The following RBPJ variants were observed in gnomAD, a reference collection of about 807,000 sequenced individuals.
The protein encoded by RBPJ is recombination signal binding protein for immunoglobulin kappa J region, also known as recombining binding protein suppressor of hairless.
In RBPJ, 9 loss-of-function variants were observed where a neutral mutation model predicts 67.8. That is an observed-to-expected ratio of 0.13 (90% CI 0.08 to 0.23). RBPJ has a LOEUF of 0.23. Among genes scored for constraint, RBPJ ranks in the 10% least tolerant of loss-of-function variants. The pLI is 1.00. For missense variants in RBPJ, 305 were observed against 595.6 expected (o/e 0.51, Z 5.08); for synonymous variants, 198 against 203.3 (o/e 0.97, Z 0.22).
chr4:26,400,384 A>C (rs569483154), intron 2 of RBPJ, among the ~76,000 whole-genome samples: 1 of 152,344 alleles, frequency 6.6e-6, no homozygotes, highest in African/African-American at 2.4e-5. Flanking sequence ...TGCACAGCGC[A>C]ATCTCTCCAC....
At chr4:26,223,464 C>G (rs1304192118) in intron 1 of RBPJ, among the ~76,000 whole-genome samples, 1 of 152,196 alleles carries the variant, frequency 6.6e-6, no homozygotes, top group Non-Finnish European at 1.5e-5. Context: ...GAGGTTATGC[C>G]TGAGAGCGGT....
chr4:26,214,114 A>G (rs953629445), intron 1 of RBPJ, among the ~76,000 whole-genome samples: 2 of 150,530 alleles, frequency 1.3e-5, no homozygotes, highest in Non-Finnish European at 3.0e-5. Context: ...GAGAGACCTC[A>G]TTGCTAGGAA....
At chr4:26,229,387 C>T (rs1034414086) in intron 1 of RBPJ, among the ~76,000 whole-genome samples, 2 of 152,132 alleles carry the variant, frequency 1.3e-5, no homozygotes, top group Non-Finnish European at 2.9e-5. Flanking sequence ...CAAAGATTTC[C>T]ATAGCTGGTC....
chr4:26,129,706 G>A, the RBPJ span, among the ~76,000 whole-genome samples: 1 of 152,022 alleles, frequency 6.6e-6, no homozygotes, highest in African/African-American at 2.4e-5. Context: ...TCAGCAACCA[G>A]CATCTGTATA....
chr4:26,408,025 C>T (rs1733634834), intron 3 of RBPJ, among the ~76,000 whole-genome samples: 2 of 150,848 alleles, frequency 1.3e-5, no homozygotes, highest in Non-Finnish European at 3.0e-5. Flanking sequence ...CAGGCACTCA[C>T]CACCATGGCC....
At chr4:26,145,889 A>G in the RBPJ span, among the ~76,000 whole-genome samples, 1 of 152,236 alleles carries the variant, frequency 6.6e-6, no homozygotes, top group African/African-American at 2.4e-5. Context: ...TCAATGGAAC[A>G]GACTTGAGAG....
chr4:26,422,710 A>G (rs1215575995), intron 5 of RBPJ, among the ~76,000 whole-genome samples: 1 of 152,190 alleles, frequency 6.6e-6, no homozygotes, highest in East Asian at 1.9e-4. Flanking sequence ...AAACACTCTC[A>G]AGTAGACAGA....
chr4:26,429,390 G>A (rs562045233), intron 8 of RBPJ, among the ~76,000 whole-genome samples: 7 of 152,236 alleles, frequency 4.6e-5, no homozygotes, highest in Non-Finnish European at 1.0e-4. Context: ...TTTGCAGAGA[G>A]ATGCCCATAC....
At chr4:26,319,658 G>A (rs557293578), upstream of RBPJ, 7 of 641,228 alleles carry the variant, frequency 1.1e-5, no homozygotes, top group Admixed American at 2.5e-5. Context: ...TGTCTGAGCC[G>A]AGTAGTGGAA....
At chr4:26,124,616 C>G in the RBPJ span, among the ~76,000 whole-genome samples, 8 of 151,410 alleles carry the variant, frequency 5.3e-5, 1 homozygote, top group South Asian at 8.4e-4. Flanking sequence ...AGTGAAATTG[C>G]TGGATCAAAT....
At chr4:26,204,492 A>G (rs1266412186) in intron 1 of RBPJ, among the ~76,000 whole-genome samples, 1 of 152,168 alleles carries the variant, frequency 6.6e-6, no homozygotes. Flanking sequence ...GTGCAGTTAC[A>G]CAATGTGCTT....
At chr4:26,157,834 A>G in the RBPJ span, among the ~76,000 whole-genome samples, 2 of 152,228 alleles carry the variant, frequency 1.3e-5, no homozygotes, top group East Asian at 3.8e-4. Flanking sequence ...CTACTAGACA[A>G]TGAGAAGTCA....
chr4:26,159,815 A>G (rs749422030), upstream of RBPJ, among the ~76,000 whole-genome samples: 1 of 152,138 alleles, frequency 6.6e-6, no homozygotes, highest in Non-Finnish European at 1.5e-5. Context: ...TGGCTCTTCC[A>G]TCTCAACCCA....
chr4:26,130,685 G>A, the RBPJ span, among the ~76,000 whole-genome samples: 5 of 151,980 alleles, frequency 3.3e-5, no homozygotes, highest in African/African-American at 1.2e-4. Context: ...CTTTTTCTAT[G>A]AGAAGAAAAA....
At chr4:26,413,572 A>G (rs2109776912) in intron 3 of RBPJ, among the ~76,000 whole-genome samples, 1 of 152,324 alleles carries the variant, frequency 6.6e-6, no homozygotes, top group African/African-American at 2.4e-5. Context: ...ATTAATGAAT[A>G]TTAAATAAAC....
At chr4:26,282,800 C>G (rs1431144863) in intron 1 of RBPJ, among the ~76,000 whole-genome samples, 2 of 151,920 alleles carry the variant, frequency 1.3e-5, no homozygotes, top group Admixed American at 6.6e-5. Flanking sequence ...GGATTACAGG[C>G]ATGAGCCACC....
intron 1 of RBPJ, among the ~76,000 whole-genome samples, chr4:26,255,018 T>G (rs1720251999): frequency 1.4e-5 from 2 of 144,852 alleles, no homozygotes; most frequent in South Asian, 4.6e-4. Context: ...TTTAAAATGT[T>G]AAACATGCTA....
At chr4:26,281,281 T>C (rs1031672492) in intron 1 of RBPJ, among the ~76,000 whole-genome samples, 1 of 152,132 alleles carries the variant, frequency 6.6e-6, no homozygotes, top group Admixed American at 6.5e-5. Flanking sequence ...TTTTTGTTTG[T>C]TTGTTTGTTT....
upstream of RBPJ, among the ~76,000 whole-genome samples, chr4:26,317,271 C>T (rs1395721727): frequency 6.6e-6 from 1 of 151,796 alleles, no homozygotes; most frequent in Non-Finnish European, 1.5e-5. Context: ...GAGGAGGTGA[C>T]ATCAGGCAAA....
Sources: gnomAD v4.1 joint callset for allele counts (sites outside exome capture counted in the v4.1 genomes callset) on GRCh38, gnomAD v4.1.1 for gene constraint, MANE v1.5 for transcripts, NCBI Gene and HGNC (gene_info 2026-07-23, HGNC 2026-07-21) for gene names.